Variants in COL9A1 observed in about 807,000 individuals in gnomAD.
The protein encoded by COL9A1 is collagen type IX alpha 1 chain.
Under a neutral mutation model 142.6 loss-of-function variants are expected in COL9A1, and 104 were observed. The observed-to-expected ratio is 0.73, with a 90% CI of 0.62 to 0.86. The LOEUF (loss-of-function observed/expected upper bound fraction) is 0.86. Among genes scored for constraint, COL9A1 ranks in the 40% least tolerant of loss-of-function variants. COL9A1 has a pLI of 0.00. For missense variants in COL9A1, 1,210 were observed against 1,176.6 expected (o/e 1.03, Z -0.42); for synonymous variants, 466 against 396.0 (o/e 1.18, Z -2.10).
chr6:70,263,153 A>G (rs1771799137), intron 19 of COL9A1, 91 bp downstream of exon 19: 1 of 1,055,798 alleles, frequency 9.5e-7, no homozygotes, highest in Non-Finnish European at 1.4e-6. Flanking sequence ...AATGCTATTC[A>G]TCCAACTGCT....
chr6:70,284,439 A>G (rs1213714572), intron 5 of COL9A1, among the ~76,000 whole-genome samples: 2 of 152,210 alleles, frequency 1.3e-5, no homozygotes. Flanking sequence ...TATAAGACTC[A>G]GGAGAAAAAG....
intron 1 of COL9A1, 37 bp from the exon 2 acceptor site, chr6:70,302,111 TC>T (rs777997277): frequency 7.0e-7 from 1 of 1,426,858 alleles, no homozygotes; most frequent in Non-Finnish European, 9.8e-7. Context: ...GAAACAGGAG[TC>T]CCCGCAGATG....
chr6:70,277,077 C>T (rs1019659995), intron 10 of COL9A1, among the ~76,000 whole-genome samples: 1 of 152,168 alleles, frequency 6.6e-6, no homozygotes, highest in East Asian at 1.9e-4. Context: ...TGTATACATT[C>T]AGAAAATACA....
At chr6:70,277,533 A>G (rs1772849945) in intron 10 of COL9A1, among the ~76,000 whole-genome samples, 1 of 152,218 alleles carries the variant, frequency 6.6e-6, no homozygotes, top group Non-Finnish European at 1.5e-5. Context: ...ATATTCATAC[A>G]GACAAACTTC....
chr6:70,250,517 T>A (rs1421611656), intron 28 of COL9A1, among the ~76,000 whole-genome samples: 2 of 152,194 alleles, frequency 1.3e-5, no homozygotes, highest in African/African-American at 4.8e-5. Flanking sequence ...GAGCTGGTTG[T>A]TTTGGCTGCA....
At chr6:70,241,373 G>A (rs1307123783) in intron 31 of COL9A1, 46 bp downstream of exon 31, 3 of 1,488,468 alleles carry the variant, frequency 2.0e-6, no homozygotes, top group Non-Finnish European at 9.4e-7. Flanking sequence ...GTGAAATGGT[G>A]CATATCAAAC....
intron 16 of COL9A1, 118 bp downstream of exon 16, chr6:70,269,515 G>A (rs1772256066): frequency 1.3e-6 from 1 of 756,332 alleles, no homozygotes; most frequent in African/African-American, 1.7e-5. Flanking sequence ...TGCCATTTGA[G>A]TGAAAGGAAA....
chr6:70,270,941 A>G (rs1772360171), intron 14 of COL9A1, among the ~76,000 whole-genome samples: 1 of 152,232 alleles, frequency 6.6e-6, no homozygotes, highest in Non-Finnish European at 1.5e-5. Context: ...TACTCTTAAC[A>G]TCCAATGTTT....
Position 70,263,256 on chromosome 6 carries a change from A to C in COL9A1, c.1383T>G (p.Ala461=). The C allele has an allele frequency of 3.1e-6, 5 of 1,608,236 alleles. No individual in the cohort carries two copies. The highest frequency in any genetic ancestry group is 4.2e-6 in the Non-Finnish European group (5 of 1,176,904). The change falls in exon 19 of 38, where the codon GCT becomes GCG. Residue 461 remains alanine (A), a synonymous_variant. Transcript: ENST00000357250. ...GDQGELGEVG[A]QGPPGAQGLR... ...AAAAATACTTTACTGGAGGTCCTTG[A>C]GCTCCAACTTCTCCGAGTTCTCCCT...
At chr6:70,267,304 G>T (rs1260892425) in intron 17 of COL9A1, among the ~76,000 whole-genome samples, 3 of 130,170 alleles carry the variant, frequency 2.3e-5, no homozygotes, top group African/African-American at 5.8e-5. Context: ...TACATTTTTT[G>T]TTGTTGTTTG....
Position 70,266,600 on chromosome 6 carries a change from A to T in COL9A1, c.1341+117T>A, listed in dbSNP as rs12195310. The stretch of plus-strand genomic sequence containing the variant: ...GCTTAGAACTTATCAATCATTATTT[A>T]AAAAAGAATGGTAAAATATCGAGGT... On this transcript the variant is annotated intron_variant, in intron 18 of 37. Coordinates refer to ENST00000357250, the MANE Select transcript of COL9A1 (RefSeq NM_001851.6). 0.16 allele frequency: 134,001 copies of T among 862,366 alleles called. 11,796 individuals are homozygous for T. The highest frequency in any genetic ancestry group is 0.18 in the Middle Eastern group (834 of 4,560). 53.4% of individuals were successfully genotyped at this position (862,366 alleles called of 1,614,324 possible). A position where few individuals can be genotyped will look rare whatever the true frequency, so the allele number is the denominator to read the frequency against.
rs770858737 is a variant in COL9A1 at position 70,291,142 on chromosome 6, G to A, written c.696+3025C>T. 1.4e-3 allele frequency among the ~76,000 whole-genome samples: 210 copies of A among 152,142 alleles called. 1 individual carries two copies. The highest frequency in any genetic ancestry group is 3.4e-3 in the Middle Eastern group (1 of 294). On this transcript the variant is annotated intron_variant, in intron 5 of 37. Transcript: ENST00000357250. ...AAATAGGCCATAAAATTAAAACAAGGGACTAAGGACAACTCATGGACACAC... is the reference window on the plus strand; with the variant it reads ...AAATAGGCCATAAAATTAAAACAAGAGACTAAGGACAACTCATGGACACAC...
At chr6:70,293,631 T>TCACACACACA (rs3222430) in intron 5 of COL9A1, among the ~76,000 whole-genome samples, 219 of 137,866 alleles carry the variant, frequency 1.6e-3, no homozygotes, top group South Asian at 0.012. Flanking sequence ...TCTCTCTCTT[T>TCACACACACA]CACACACACA....
chr6:70,241,258 G>A (rs1170395926), intron 31 of COL9A1, among the ~76,000 whole-genome samples, 161 bp downstream of exon 31: 1 of 152,090 alleles, frequency 6.6e-6, no homozygotes, highest in Non-Finnish European at 1.5e-5. Flanking sequence ...ACAATGCTGC[G>A]GACCAAACTC....
At position 70,257,522 on chromosome 6, in the gene COL9A1, G is replaced by A. The variant is rs541036047; in HGVS notation, c.1450-701C>T. Reference sequence around the variant, plus strand: ...TAGAAATTAATTAACCGCCAGGTGGGGGGATCACATGAGACCAGGAGTTCC... The same window carrying A: ...TAGAAATTAATTAACCGCCAGGTGGAGGGATCACATGAGACCAGGAGTTCC... On this transcript the variant is annotated intron_variant, in intron 20 of 37. Transcript: ENST00000357250. Among the ~76,000 whole-genome samples the A allele has an allele frequency of 2.6e-5, 4 of 152,278 alleles. No individual in the cohort carries two copies. The South Asian group carries it at 8.3e-4, about 32-fold the overall frequency.
intron 5 of COL9A1, among the ~76,000 whole-genome samples, chr6:70,288,160 T>C (rs1773525483): frequency 6.6e-6 from 1 of 152,204 alleles, no homozygotes; most frequent in African/African-American, 2.4e-5. Flanking sequence ...CACCTGCTCT[T>C]CCCACAGCGT....
At chr6:70,252,621 A>G (rs1771016155) in intron 26 of COL9A1, among the ~76,000 whole-genome samples, 1 of 152,192 alleles carries the variant, frequency 6.6e-6, no homozygotes, top group South Asian at 2.1e-4. Context: ...TATTAATAAT[A>G]TATGTCTTTC....
At chr6:70,252,440 T>C in intron 26 of COL9A1, 125 bp from the exon 27 acceptor site, 3 of 832,234 alleles carry the variant, frequency 3.6e-6, no homozygotes, top group Non-Finnish European at 6.1e-6. Flanking sequence ...ACACTGAGAA[T>C]CTGGGAATGT....
At chr6:70,275,382 G>A (rs902452846) in intron 10 of COL9A1, among the ~76,000 whole-genome samples, 2 of 152,046 alleles carry the variant, frequency 1.3e-5, no homozygotes, top group Non-Finnish European at 2.9e-5. Flanking sequence ...TTGAAAGCAT[G>A]CATGTTTCTA....
Sources: allele counts gnomAD v4.1 joint callset (sites outside exome capture counted in the v4.1 genomes callset), GRCh38; gene constraint gnomAD v4.1.1; transcripts MANE v1.5; gene names NCBI Gene and HGNC (gene_info 2026-07-23, HGNC 2026-07-21).